The following SIX4 variants were observed in gnomAD, a reference collection of about 807,000 sequenced individuals.
The protein encoded by SIX4 is SIX homeobox 4.
Under a neutral mutation model 51.5 loss-of-function variants are expected in SIX4, and 23 were observed. The observed-to-expected ratio is 0.45, with a 90% CI of 0.32 to 0.63. The LOEUF is 0.63. Among genes scored for constraint, SIX4 ranks in the 30% least tolerant of loss-of-function variants. The pLI is 0.04. For missense variants in SIX4, 867 were observed against 984.0 expected (o/e 0.88, Z 1.59); for synonymous variants, 413 against 417.3 (o/e 0.99, Z 0.13).
At position 60,723,355 on chromosome 14, in the gene SIX4, C is replaced by T. The variant is rs149547964; in HGVS notation, c.720G>A (p.Glu240=). 9.9e-6 allele frequency: 16 copies of T among 1,612,278 alleles called. No homozygotes were observed. The highest frequency in any genetic ancestry group is 5.3e-5 in the African/African-American group (4 of 74,882). ...AAGGGTAGCGATTCTGCTTGTAGAG[C>T]TCCTTGAGCGCGTTGCGCGACTTCT... The part of the protein sequence containing the change: ...FKEKSRNALK[E]LYKQNRYPSP... The change falls in exon 1 of 3, where the codon GAG becomes GAA. Residue 240 remains glutamate (E), a synonymous_variant. Transcript: ENST00000216513.
chr14:60,722,972 G>A lies in SIX4; in HGVS notation c.863+240C>T. 1.4e-6 allele frequency: 1 copy of A among 718,514 alleles called. No homozygotes were observed. The allele number at this position is 718,514 out of a possible 1,614,324, so 44.5% of individuals were successfully genotyped here. A position where few individuals can be genotyped will look rare whatever the true frequency, so the allele number is the denominator to read the frequency against. ...GGGGGCGGGGACTGAGACCTAGGCG[G>A]GCGACCAGAAACTTCTGGGGGGAGA... On this transcript the variant is annotated intron_variant, in intron 1 of 2. Transcript: ENST00000216513. This position sits in a 1 kb window ranked among gnomAD's most constrained non-coding sequence, Gnocchi z 5.9.
Position 60,713,190 on chromosome 14 carries a change from A to G in SIX4, c.*217T>C. 1 of 466,760 alleles carries G rather than the reference A, an allele frequency of 2.1e-6. No individual in the cohort carries two copies. The highest frequency in any genetic ancestry group is 3.5e-5 in the East Asian group (1 of 28,818). 28.9% of individuals were successfully genotyped at this position (466,760 alleles called of 1,614,324 possible). Reference sequence around the variant, plus strand: ...TTGTCCTTTGTCTCCATCTATTTAAAAGAGAAATTTATAAGTGAACAAAAA... The same window carrying G: ...TTGTCCTTTGTCTCCATCTATTTAAGAGAGAAATTTATAAGTGAACAAAAA... On this transcript the variant is annotated 3_prime_UTR_variant, in exon 3 of 3. Transcript: ENST00000216513.
Position 60,717,162 on chromosome 14 carries a change from C to T in SIX4, c.1549+2598G>A, listed in dbSNP as rs137972152. On this transcript the variant is annotated intron_variant, in intron 2 of 2. Coordinates refer to ENST00000216513, the MANE Select transcript of SIX4 (RefSeq NM_017420.5). The surrounding 1 kb of genome is among the most constrained non-coding windows in gnomAD (Gnocchi z 4.6). ...TGATCTCGGCTCACTGCAACCTCCA[C>T]CTCCTGGGTTCAAGCGATTCTCCTG... 1,191 of 226,420 alleles carry T rather than the reference C, an allele frequency of 5.3e-3. 11 individuals are homozygous for T. Among genetic ancestry groups the T allele is most frequent in the South Asian group, 0.015 (269 of 17,436 alleles). 14.0% of individuals were successfully genotyped at this position (226,420 alleles called of 1,614,324 possible). A position where few individuals can be genotyped will look rare whatever the true frequency, so the allele number is the denominator to read the frequency against.
Position 60,712,342 on chromosome 14 carries a change from T to A in SIX4, c.*1065A>T, listed in dbSNP as rs1361332728. On this transcript the variant is annotated 3_prime_UTR_variant, in exon 3 of 3. Coordinates refer to ENST00000216513, the MANE Select transcript of SIX4 (RefSeq NM_017420.5). ...AATTTTGTGGTGAAATTAACCCTGT[T>A]AGATAGTAGAAAAGAACCATCAGTG... The A allele has an allele frequency of 1.3e-5, 2 of 152,640 alleles. No individual in the cohort carries two copies. Among genetic ancestry groups the A allele is most frequent in the African/African-American group, 4.8e-5 (2 of 41,456 alleles). 9.5% of individuals were successfully genotyped at this position (152,640 alleles called of 1,614,324 possible).
intron 2 of SIX4, among the ~76,000 whole-genome samples, chr14:60,715,536 TACAGA>T (rs1895907089): frequency 6.6e-6 from 1 of 152,178 alleles, no homozygotes; most frequent in Non-Finnish European, 1.5e-5. Flanking sequence ...CTTTTTAAAA[TACAGA>T]TTAACATAAA....
At chr14:60,718,039 A>G (rs1302463818) in intron 2 of SIX4, 3 of 208,466 alleles carry the variant, frequency 1.4e-5, no homozygotes, top group African/African-American at 7.2e-5. Context: ...AATAATAATA[A>G]TCTTAGTTGC....
In SIX4 at chr14:60,723,437, T is replaced by C; in HGVS notation, c.638A>G (p.Lys213Arg). 1 of 1,610,052 alleles carries C rather than the reference T, an allele frequency of 6.2e-7. No homozygotes were observed. The highest frequency in any genetic ancestry group is 8.5e-7 in the Non-Finnish European group (1 of 1,179,860). Residue 213 changes from lysine (K) to arginine (R), a missense_variant, in exon 1 of 3, where the codon AAA becomes AGA. By Grantham distance (26) the Lys-to-Arg change is conservative (BLOSUM62 2). Coordinates refer to ENST00000216513, the MANE Select transcript of SIX4 (RefSeq NM_017420.5). ...CCAGATGGTGCGGGGCAGGGGGAATTTCCTGCGCAGCCGGTACTTGTCTAC... is the reference window on the plus strand; with the variant it reads ...CCAGATGGTGCGGGGCAGGGGGAATCTCCTGCGCAGCCGGTACTTGTCTAC... Reference protein sequence around the residue: ...GAVDKYRLRRKFPLPRTIWDG... With the variant: ...GAVDKYRLRRRFPLPRTIWDG...
At position 60,717,051 on chromosome 14, in the gene SIX4, T is replaced by A; in HGVS notation, c.1549+2709A>T. On this transcript the variant is annotated intron_variant, in intron 2 of 2. Coordinates refer to ENST00000216513, the MANE Select transcript of SIX4 (RefSeq NM_017420.5). This position sits in a 1 kb window ranked among gnomAD's most constrained non-coding sequence, Gnocchi z 4.6. ...ACACTGCCTTCAACTTAAGTATGCT[T>A]TAAAACTCTTATTTTTATTTATTTA... 1.3e-5 allele frequency: 4 copies of A among 307,376 alleles called. No homozygotes were observed. Among genetic ancestry groups the A allele is most frequent in the South Asian group, 1.1e-4 (4 of 35,058 alleles). The allele number at this position is 307,376 out of a possible 1,614,324, so 19.0% of individuals were successfully genotyped here. A position where few individuals can be genotyped will look rare whatever the true frequency, so the allele number is the denominator to read the frequency against.
chr14:60,713,800 A>G lies in SIX4; in HGVS notation c.1953T>C (p.Ser651=). ...TAGTGTTGCTGACAGATGTCACAGT[A>G]GATTTGCTTGCCACCGGTGCAGACA... ...QPMSAPVASK[S]TVTSVSNTNY... Residue 651 remains serine (S), a synonymous_variant, in exon 3 of 3, where the codon TCT becomes TCC. Transcript: ENST00000216513. The G allele has an allele frequency of 6.2e-7, 1 of 1,614,168 alleles. No individual in the cohort carries two copies. The highest frequency in any genetic ancestry group is 8.5e-7 in the Non-Finnish European group (1 of 1,180,026).
chr14:60,715,719 A>G (rs143852486), intron 2 of SIX4, among the ~76,000 whole-genome samples: 60 of 152,264 alleles, frequency 3.9e-4, no homozygotes, highest in Non-Finnish European at 7.8e-4. Flanking sequence ...ACCATCAAAT[A>G]ACACTCTTTT....
chr14:60,719,628 T>C lies in SIX4; in HGVS notation c.1549+132A>G, dbSNP rs1895984162. On this transcript the variant is annotated intron_variant, in intron 2 of 2. Coordinates refer to ENST00000216513, the MANE Select transcript of SIX4 (RefSeq NM_017420.5). The surrounding 1 kb of genome is among the most constrained non-coding windows in gnomAD (Gnocchi z 4.9). Reference sequence around the variant, plus strand: ...TGAAAGAGGAGAATCACATCAAGGCTACTCTACAGCTTCGGCAGCTAATAA... The same window carrying C: ...TGAAAGAGGAGAATCACATCAAGGCCACTCTACAGCTTCGGCAGCTAATAA... 1 of 882,886 alleles carries C rather than the reference T, an allele frequency of 1.1e-6. No individual in the cohort carries two copies. The highest frequency in any genetic ancestry group is 2.8e-5 in the Admixed American group (1 of 35,912). The allele number at this position is 882,886 out of a possible 1,614,324, so 54.7% of individuals were successfully genotyped here.
intron 2 of SIX4, among the ~76,000 whole-genome samples, chr14:60,714,815 G>C (rs955131297): frequency 6.6e-6 from 1 of 151,456 alleles, no homozygotes; most frequent in Admixed American, 6.6e-5. Flanking sequence ...ATAGGCATGC[G>C]CCACCACATC....
In SIX4 at chr14:60,723,873, C is replaced by T; in HGVS notation, c.202G>A (p.Glu68Lys). Residue 68 changes from glutamate (E) to lysine (K), a missense_variant, in exon 1 of 3, where the codon GAG becomes AAG. Glu to Lys is a moderately conservative substitution (Grantham distance 56). Coordinates refer to ENST00000216513, the MANE Select transcript of SIX4 (RefSeq NM_017420.5). Reference sequence around the variant, plus strand: ...GCCGCCGCCGCCACTGCCCCTTCCTCTCCGCTCACCCTGGCGGCAGCGGTC... The same window carrying T: ...GCCGCCGCCGCCACTGCCCCTTCCTTTCCGCTCACCCTGGCGGCAGCGGTC... ...AATAAARVSG[E>K]EGAVAAAAAG... 1 of 1,541,374 alleles carries T rather than the reference C, an allele frequency of 6.5e-7. No individual in the cohort carries two copies. The highest frequency in any genetic ancestry group is 1.2e-5 in the South Asian group (1 of 82,392).
chr14:60,722,012 CG>C lies in SIX4; in HGVS notation c.863+1199del, dbSNP rs1260669213. On this transcript the variant is annotated intron_variant, in intron 1 of 2. Coordinates refer to ENST00000216513, the MANE Select transcript of SIX4 (RefSeq NM_017420.5). The surrounding 1 kb of genome is among the most constrained non-coding windows in gnomAD (Gnocchi z 5.9). ...TCGGACCCCCACAGGGGCCCAGAAG[CG>C]GCAAGGGCGGGCTGAGACCGGCTCT... 1.3e-5 allele frequency among the ~76,000 whole-genome samples: 2 copies of C among 152,238 alleles called. No homozygotes were observed. Among genetic ancestry groups the C allele is most frequent in the Non-Finnish European group, 2.9e-5 (2 of 68,036 alleles).
In SIX4 at chr14:60,711,897, G is replaced by A. The variant is rs1166581349; in HGVS notation, c.*1510C>T. ...CTTTTTTTGCTTTTCAGAGACTAGA[G>A]AGCAACTTTACTCACTACATAAATT... On this transcript the variant is annotated 3_prime_UTR_variant, in exon 3 of 3. Transcript: ENST00000216513. 2.0e-5 allele frequency: 3 copies of A among 152,332 alleles called. No homozygotes were observed. The highest frequency in any genetic ancestry group is 4.4e-5 in the Non-Finnish European group (3 of 68,020). 9.4% of individuals were successfully genotyped at this position (152,332 alleles called of 1,614,324 possible).
At chr14:60,715,922 G>C (rs1895913019) in intron 2 of SIX4, among the ~76,000 whole-genome samples, 1 of 151,748 alleles carries the variant, frequency 6.6e-6, no homozygotes, top group African/African-American at 2.4e-5. Flanking sequence ...GCCCAGGCTG[G>C]AGTGCAGTGG....
chr14:60,720,872 A>T lies in SIX4; in HGVS notation c.864-427T>A. On this transcript the variant is annotated intron_variant, in intron 1 of 2. Transcript: ENST00000216513. This position sits in a 1 kb window ranked among gnomAD's most constrained non-coding sequence, Gnocchi z 5.5. ...CCTTCCCCTCCCCTCAAACCAATTC[A>T]GATTAGTGTTATCTTGGAGGTAAAT... 1 of 795,274 alleles carries T rather than the reference A, an allele frequency of 1.3e-6. No homozygotes were observed. The highest frequency in any genetic ancestry group is 1.5e-6 in the Non-Finnish European group (1 of 653,300). The allele number at this position is 795,274 out of a possible 1,614,324, so 49.3% of individuals were successfully genotyped here. A position where few individuals can be genotyped will look rare whatever the true frequency, so the allele number is the denominator to read the frequency against.
At position 60,723,984 on chromosome 14, in the gene SIX4, C is replaced by T; in HGVS notation, c.91G>A (p.Ala31Thr). Residue 31 changes from alanine (A) to threonine (T), a missense_variant, in exon 1 of 3, where the codon GCG (alanine) becomes ACG (threonine). Coordinates refer to ENST00000216513, the MANE Select transcript of SIX4 (RefSeq NM_017420.5). Reference protein sequence around the residue: ...GMESASEGQEAHREVAGGAAV... With the variant: ...GMESASEGQETHREVAGGAAV... ...GCGCCCCCCGCCACTTCTCGGTGCGCCTCCTGCCCTTCCGAGGCGCTTTCC... is the reference window on the plus strand; with the variant it reads ...GCGCCCCCCGCCACTTCTCGGTGCGTCTCCTGCCCTTCCGAGGCGCTTTCC... The T allele has an allele frequency of 1.3e-6, 2 of 1,517,968 alleles. No homozygotes were observed. The highest frequency in any genetic ancestry group is 1.8e-6 in the Non-Finnish European group (2 of 1,136,870). The allele number at this position is 1,517,968 out of a possible 1,614,324, so 94.0% of individuals were successfully genotyped here. A position where few individuals can be genotyped will look rare whatever the true frequency, so the allele number is the denominator to read the frequency against.
In SIX4 at chr14:60,723,695, T is replaced by C; in HGVS notation, c.380A>G (p.Asp127Gly). 3 of 1,564,046 alleles carry C rather than the reference T, an allele frequency of 1.9e-6. No homozygotes were observed. Among genetic ancestry groups the C allele is most frequent in the Non-Finnish European group, 2.6e-6 (3 of 1,156,212 alleles). ...CEALQQGGNL[D>G]RLARFLWSLP... ...GGACCACAGGAACCGGGCCAGGCGG[T>C]CCAGGTTGCCCCCCTGCTGCAGTGC... Residue 127 changes from aspartate to glycine, a missense_variant, in exon 1 of 3, where the codon GAC (aspartate) becomes GGC (glycine). Physicochemically the swap from Asp to Gly is moderately conservative, Grantham distance 94 (BLOSUM62 -1). Transcript: ENST00000216513.
Sources: allele counts gnomAD v4.1 joint callset (sites outside exome capture counted in the v4.1 genomes callset), GRCh38; gene constraint gnomAD v4.1.1; non-coding constraint Gnocchi (gnomAD v3.1); transcripts MANE v1.5; gene names NCBI Gene and HGNC (gene_info 2026-07-23, HGNC 2026-07-21).